PRKCE: variants seen among roughly 807,000 people sequenced by gnomAD.
The protein encoded by PRKCE is protein kinase C epsilon type.
PRKCE carries 16 observed loss-of-function variants against 85.4 expected under a neutral mutation model. The ratio of observed to expected loss-of-function variants is 0.19; its 90% CI spans 0.13 to 0.28. The LOEUF (loss-of-function observed/expected upper bound fraction) is 0.28. PRKCE is among the 10% of genes least tolerant of loss of function. The pLI is 1.00. For missense variants in PRKCE, 573 were observed against 975.2 expected (o/e 0.59, Z 5.49); for synonymous variants, 388 against 371.5 (o/e 1.04, Z -0.51).
At chr2:45,987,566 T>G (rs1703436658) in intron 6 of PRKCE, among the ~76,000 whole-genome samples, 1 of 152,120 alleles carries the variant, frequency 6.6e-6, no homozygotes, top group African/African-American at 2.4e-5. Context: ...AGAGAGTCCC[T>G]GTATTATGTG....
At chr2:45,714,087 A>G (rs1012181837) in intron 1 of PRKCE, among the ~76,000 whole-genome samples, 5 of 152,266 alleles carry the variant, frequency 3.3e-5, no homozygotes. Flanking sequence ...CAATAATTAA[A>G]TAAGCATTTT....
chr2:46,021,915 G>C lies in PRKCE; in HGVS notation c.1437+11398G>C, dbSNP rs527521666. Reference sequence around the variant, plus strand: ...GTTTTCTACAGGGAAAGTCATCTGGGGCCTTTCATAGGGAGCTTCTACATA... The same window carrying C: ...GTTTTCTACAGGGAAAGTCATCTGGCGCCTTTCATAGGGAGCTTCTACATA... On this transcript the variant is annotated intron_variant, in intron 10 of 14. Transcript: ENST00000306156. Among the ~76,000 whole-genome samples the C allele has an allele frequency of 3.9e-5, 6 of 152,180 alleles. 1 individual carries two copies. In the South Asian group the frequency reaches 1.2e-3, roughly 32 times the overall value.
intron 2 of PRKCE, among the ~76,000 whole-genome samples, chr2:45,944,994 T>C (rs1700147377): frequency 6.6e-6 from 1 of 152,112 alleles, no homozygotes; most frequent in Non-Finnish European, 1.5e-5. Flanking sequence ...CCAGTAATGC[T>C]TCTTCCACTT....
chr2:45,993,551 T>C (rs951590973), intron 6 of PRKCE, among the ~76,000 whole-genome samples: 1 of 152,204 alleles, frequency 6.6e-6, no homozygotes, highest in Non-Finnish European at 1.5e-5. Flanking sequence ...CCAGCCCAAG[T>C]TGTTTTGTCA....
At chr2:46,168,234 A>G (rs1678541157) in intron 14 of PRKCE, among the ~76,000 whole-genome samples, 2 of 152,120 alleles carry the variant, frequency 1.3e-5, no homozygotes. Context: ...TTACTTTGGT[A>G]TATGCCTTCC....
intron 2 of PRKCE, among the ~76,000 whole-genome samples, chr2:45,877,492 G>A (rs998972527): frequency 4.0e-5 from 6 of 151,764 alleles, no homozygotes; most frequent in Middle Eastern, 3.2e-3. Context: ...AATAACTTCT[G>A]ACTGATTAAG....
intron 14 of PRKCE, among the ~76,000 whole-genome samples, chr2:46,160,594 A>G (rs1677660593): frequency 1.3e-5 from 2 of 151,888 alleles, no homozygotes; most frequent in Non-Finnish European, 2.9e-5. Flanking sequence ...GGGGTGTGCA[A>G]TGTAAGAGTT....
intron 1 of PRKCE, among the ~76,000 whole-genome samples, chr2:45,752,205 G>C (rs1683632608): frequency 6.6e-6 from 1 of 152,188 alleles, no homozygotes; most frequent in African/African-American, 2.4e-5. Context: ...ATATTCATCT[G>C]ATTTCACTCA....
chr2:45,814,231 T>C (rs2105286221), intron 1 of PRKCE, among the ~76,000 whole-genome samples: 1 of 152,298 alleles, frequency 6.6e-6, no homozygotes, highest in East Asian at 1.9e-4. Flanking sequence ...GAGCTATAGA[T>C]TGGAAGTGGC....
chr2:45,954,002 G>A (rs143672635), intron 2 of PRKCE, among the ~76,000 whole-genome samples: 1 of 152,244 alleles, frequency 6.6e-6, no homozygotes, highest in African/African-American at 2.4e-5. Flanking sequence ...CTTCCCTACT[G>A]CAATCTTATC....
intron 11 of PRKCE, among the ~76,000 whole-genome samples, chr2:46,122,833 G>T (rs533664461): frequency 4.6e-5 from 7 of 150,894 alleles, no homozygotes; most frequent in African/African-American, 1.5e-4. Context: ...TGGTCAGGAA[G>T]TGGGGGCGCA....
intron 10 of PRKCE, among the ~76,000 whole-genome samples, chr2:46,059,281 T>G (rs903173249): frequency 2.6e-5 from 4 of 152,036 alleles, no homozygotes; most frequent in Admixed American, 6.5e-5. Flanking sequence ...GAGTGAGACC[T>G]CAACCCTTGA....
chr2:46,097,871 G>C (rs985189405), intron 11 of PRKCE, among the ~76,000 whole-genome samples: 2 of 152,160 alleles, frequency 1.3e-5, no homozygotes, highest in Admixed American at 1.3e-4. Context: ...TGACAGTTGG[G>C]GGGTGAAAGC....
At chr2:45,898,692 G>A (rs1217990992) in intron 2 of PRKCE, among the ~76,000 whole-genome samples, 1 of 152,214 alleles carries the variant, frequency 6.6e-6, no homozygotes, top group Non-Finnish European at 1.5e-5. Flanking sequence ...CAGTGTGGGA[G>A]ATGGAGAGGG....
chr2:46,157,979 C>T (rs1046786681), intron 13 of PRKCE, among the ~76,000 whole-genome samples: 1 of 152,222 alleles, frequency 6.6e-6, no homozygotes, highest in East Asian at 1.9e-4. Flanking sequence ...ACCTGTGCAA[C>T]AATAAGCGGC....
At chr2:46,096,875 T>C (rs903709303) in intron 11 of PRKCE, among the ~76,000 whole-genome samples, 1 of 152,168 alleles carries the variant, frequency 6.6e-6, no homozygotes, top group African/African-American at 2.4e-5. Context: ...CTAATGTATA[T>C]TAAAATAAGA....
chr2:46,183,918 A>G (rs563673727), intron 14 of PRKCE, among the ~76,000 whole-genome samples: 1 of 152,302 alleles, frequency 6.6e-6, no homozygotes, highest in South Asian at 2.1e-4. Flanking sequence ...AAAAACCAGC[A>G]TTCATTTGTG....
intron 6 of PRKCE, among the ~76,000 whole-genome samples, chr2:45,985,618 G>A (rs1014382771): frequency 1.3e-5 from 2 of 152,182 alleles, no homozygotes; most frequent in Admixed American, 6.5e-5. Flanking sequence ...GGATCCCAAT[G>A]AGAAACTATG....
intron 1 of PRKCE, among the ~76,000 whole-genome samples, chr2:45,707,957 C>T (rs1027700175): frequency 1.2e-4 from 18 of 152,310 alleles, no homozygotes; most frequent in Middle Eastern, 6.8e-3. Flanking sequence ...GGTACCCCTG[C>T]GGGTTGCATT....
Sources: allele counts gnomAD v4.1 joint callset (sites outside exome capture counted in the v4.1 genomes callset), GRCh38; gene constraint gnomAD v4.1.1; transcripts MANE v1.5; gene names NCBI Gene and HGNC (gene_info 2026-07-23, HGNC 2026-07-21).